The following ZNF611 variants were observed in gnomAD, a reference collection of about 807,000 sequenced individuals.
ZNF611 encodes the protein zinc finger protein 611.
Under a neutral mutation model 8.9 loss-of-function variants are expected in ZNF611, and 6 were observed. The ratio of observed to expected loss-of-function variants is 0.68; its 90% confidence interval spans 0.37 to 1.34. The LOEUF is 1.34. ZNF611 is among the 40% of genes most tolerant of loss of function. The probability of loss-of-function intolerance (pLI) is 0.02; values close to 1 mark genes in which losing one functional copy is unlikely to be tolerated. For synonymous variants in ZNF611, 262 were observed against 279.7 expected, an observed-to-expected ratio of 0.94 and a Z score of 0.63; for missense variants, 874 against 841.3, an observed-to-expected ratio of 1.04 and a Z score of -0.48.
At chr19:52,725,800 C>A (rs1459695243) in intron 3 of ZNF611, among the ~76,000 whole-genome samples, 1 of 152,118 alleles carries the variant, frequency 6.6e-6, no homozygotes, top group Admixed American at 6.5e-5. Flanking sequence ...CCGGGTGGGG[C>A]CCCCGAACAT....
intron 1 of ZNF611, among the ~76,000 whole-genome samples, chr19:52,734,187 GTT>G (rs532673029): frequency 0.41 from 34,741 of 84,494 alleles, 4,264 homozygotes; most frequent in Middle Eastern, 0.45. Flanking sequence ...GCTTTCTTAG[GTT>G]TTTTTTTTTT....
intron 1 of ZNF611, among the ~76,000 whole-genome samples, chr19:52,734,507 G>A (rs1350762169): frequency 2.9e-5 from 4 of 139,424 alleles, no homozygotes; most frequent in African/African-American, 5.3e-5. Context: ...GGGAGCAGCA[G>A]GCCCCGGCAT....
chr19:52,733,988 G>C (rs369436216), intron 1 of ZNF611, among the ~76,000 whole-genome samples: 1 of 151,814 alleles, frequency 6.6e-6, no homozygotes, highest in East Asian at 1.9e-4. Context: ...CTCTGCTGTG[G>C]TTCTCCCTCT....
intron 3 of ZNF611, among the ~76,000 whole-genome samples, chr19:52,728,364 C>A (rs370770287): frequency 6.6e-6 from 1 of 152,080 alleles, no homozygotes; most frequent in Non-Finnish European, 1.5e-5. Context: ...CATGGTGAAA[C>A]CCCATCTCTA....
At chr19:52,709,419 T>G (rs1053188081) in intron 5 of ZNF611, among the ~76,000 whole-genome samples, 1 of 151,996 alleles carries the variant, frequency 6.6e-6, no homozygotes, top group Non-Finnish European at 1.5e-5. Flanking sequence ...ACTACAGGCA[T>G]GCACCACCAT....
In ZNF611 at chr19:52,704,855, T is replaced by C; in HGVS notation, c.*82A>G. On this transcript the variant is annotated 3_prime_UTR_variant, in exon 6 of 6. Coordinates refer to ENST00000652185, the MANE Select transcript of ZNF611 (RefSeq NM_001161499.2). ...AGTCTTGTCAGAAACCTTACATTTG[T>C]AAGCTTTCTCTCCAGTATAAATTCT... The C allele has an allele frequency of 1.9e-6, 3 of 1,608,018 alleles. No individual in the cohort carries two copies. The African/African-American group carries it at 4.0e-5, about 21-fold the overall frequency.
At chr19:52,714,697 AAC>A (rs2062303949) in intron 4 of ZNF611, among the ~76,000 whole-genome samples, 2 of 71,028 alleles carry the variant, frequency 2.8e-5, no homozygotes, top group Non-Finnish European at 5.2e-5. Flanking sequence ...CAAAAAACAA[AAC>A]AAAACAAAAC....
At chr19:52,725,892 G>A (rs1481058295) in intron 3 of ZNF611, among the ~76,000 whole-genome samples, 3 of 152,308 alleles carry the variant, frequency 2.0e-5, no homozygotes, top group East Asian at 3.9e-4. Context: ...GGCGGGGCCG[G>A]GACCGGACCT....
intron 5 of ZNF611, among the ~76,000 whole-genome samples, chr19:52,709,413 C>T (rs1290303062): frequency 6.6e-6 from 1 of 152,100 alleles, no homozygotes; most frequent in Non-Finnish European, 1.5e-5. Context: ...GCTAGGACTA[C>T]AGGCATGCAC....
At chr19:52,719,312 CAG>C (rs1226778728) in intron 3 of ZNF611, among the ~76,000 whole-genome samples, 2 of 150,944 alleles carry the variant, frequency 1.3e-5, no homozygotes, top group African/African-American at 5.0e-5. Context: ...CATATAGTAA[CAG>C]AGACTCAGTC....
intron 3 of ZNF611, among the ~76,000 whole-genome samples, chr19:52,720,678 G>A (rs1245807238): frequency 1.4e-5 from 2 of 144,220 alleles, no homozygotes; most frequent in African/African-American, 5.2e-5. Flanking sequence ...GCGGCTGCTG[G>A]GCAGAGGCGC....
intron 3 of ZNF611, among the ~76,000 whole-genome samples, chr19:52,719,982 G>A (rs1279342474): frequency 6.6e-6 from 1 of 152,190 alleles, no homozygotes; most frequent in Non-Finnish European, 1.5e-5. Context: ...TAAGGAGCAT[G>A]CTGCCTTTAA....
rs984544358 is a variant in ZNF611, at chr19:52,704,816, G to A, written c.*121C>T. 6.9e-6 allele frequency: 11 copies of A among 1,598,642 alleles called. No individual in the cohort carries two copies. The highest frequency in any genetic ancestry group is 9.4e-6 in the Non-Finnish European group (11 of 1,166,986). ...TGAAGTCCAGTATGTTGTTCCAGGTGTGAATCACTCCCAAGTCTTGTCAGA... is the reference window on the plus strand; with the variant it reads ...TGAAGTCCAGTATGTTGTTCCAGGTATGAATCACTCCCAAGTCTTGTCAGA... On this transcript the variant is annotated 3_prime_UTR_variant, in exon 6 of 6. Coordinates refer to ENST00000652185, the MANE Select transcript of ZNF611 (RefSeq NM_001161499.2).
intron 5 of ZNF611, among the ~76,000 whole-genome samples, chr19:52,709,946 A>G (rs1600309251): frequency 6.6e-6 from 1 of 152,204 alleles, no homozygotes; most frequent in Admixed American, 6.5e-5. Context: ...ACACGGCAGG[A>G]AGACGGCTGG....
In ZNF611 at chr19:52,729,967, A is replaced by G. The variant is rs1244177690; in HGVS notation, c.-183T>C. On this transcript the variant is annotated 5_prime_UTR_variant, in exon 2 of 6. Transcript: ENST00000652185. ...GCTGCATATCACCAGGCAATACAGC[A>G]ATTTTGTATATATGCATTGTCCTTC... 6.6e-6 allele frequency: 1 copy of G among 152,226 alleles called. No individual in the cohort carries two copies. The highest frequency in any genetic ancestry group is 1.5e-5 in the Non-Finnish European group (1 of 68,038). 9.4% of individuals were successfully genotyped at this position (152,226 alleles called of 1,614,324 possible).
chr19:52,704,646 C>T lies in ZNF611; in HGVS notation c.*291G>A, dbSNP rs1287264553. The T allele has an allele frequency of 3.5e-5, 55 of 1,588,504 alleles. No individual in the cohort carries two copies. The highest frequency in any genetic ancestry group is 4.4e-5 in the Non-Finnish European group (51 of 1,157,850). ...TATGGATTCTCCAATGATTTGTAAT[C>T]GTTGTAGCATTACTGAAGACTTTGT... On this transcript the variant is annotated 3_prime_UTR_variant, in exon 6 of 6. Coordinates refer to ENST00000652185, the MANE Select transcript of ZNF611 (RefSeq NM_001161499.2).
In ZNF611 at chr19:52,714,776, G is replaced by A. The variant is rs2147428024; in HGVS notation, c.64-635C>T. On this transcript the variant is annotated intron_variant, in intron 4 of 5. Coordinates refer to ENST00000652185, the MANE Select transcript of ZNF611 (RefSeq NM_001161499.2). The stretch of plus-strand genomic sequence containing the variant: ...GCACTTTGGGAGACCAAGACGGGCA[G>A]ATAATGTGGTCAAGAGATTGAGACC... Among the ~76,000 whole-genome samples the A allele has an allele frequency of 1.4e-5, 2 of 147,268 alleles. 1 individual carries two copies. Among genetic ancestry groups the A allele is most frequent in the South Asian group, 4.3e-4 (2 of 4,628 alleles).
At chr19:52,724,608 A>G (rs2062380106) in intron 3 of ZNF611, 1 of 151,710 alleles carries the variant, frequency 6.6e-6, no homozygotes, top group South Asian at 2.1e-4. Flanking sequence ...CAATCTCTAT[A>G]TATTACCGCC....
At chr19:52,706,972 C>G in intron 5 of ZNF611, 108 bp from the exon 6 acceptor site, 1 of 1,489,320 alleles carries the variant, frequency 6.7e-7, no homozygotes, top group South Asian at 1.4e-5. Context: ...ACTTCCCAAA[C>G]ATCATCTTCA....
Sources: gnomAD v4.1 joint callset for allele counts (sites outside exome capture counted in the v4.1 genomes callset) on GRCh38, gnomAD v4.1.1 for gene constraint, MANE v1.5 for transcripts, NCBI Gene and HGNC (gene_info 2026-07-23, HGNC 2026-07-21) for gene names.